FNDC3B: variants seen among roughly 807,000 people sequenced by gnomAD.
FNDC3B encodes the protein fibronectin type III domain containing 3B.
A neutral mutation model predicts 151.5 loss-of-function variants in FNDC3B; 12 were observed. The observed-to-expected ratio is 0.08, with a 90% CI of 0.05 to 0.13. The LOEUF is 0.13. Ranked by LOEUF, FNDC3B falls within the 10% of genes least tolerant of loss-of-function variation. FNDC3B has a pLI of 1.00. For synonymous variants in FNDC3B, 528 were observed against 549.0 expected (o/e 0.96, Z 0.54); for missense variants, 1,214 against 1,505.3 (o/e 0.81, Z 3.20).
chr3:172,091,044 A>G (rs1718801309), intron 1 of FNDC3B, among the ~76,000 whole-genome samples: 1 of 152,214 alleles, frequency 6.6e-6, no homozygotes, highest in Non-Finnish European at 1.5e-5. Context: ...GGTGAGGAAT[A>G]CTGAACCTAT....
chr3:172,294,638 C>T (rs772879442), intron 7 of FNDC3B, among the ~76,000 whole-genome samples: 1 of 152,164 alleles, frequency 6.6e-6, no homozygotes, highest in African/African-American at 2.4e-5. Flanking sequence ...GAAGCCCATG[C>T]GGGGGTCTAT....
At chr3:172,069,397 C>T (rs1293849078) in intron 1 of FNDC3B, among the ~76,000 whole-genome samples, 1 of 152,212 alleles carries the variant, frequency 6.6e-6, no homozygotes, top group East Asian at 1.9e-4. Context: ...GCTAGAGCCA[C>T]TAAATATCTC....
At chr3:172,332,974 C>T (rs1204161412) in intron 13 of FNDC3B, 115 bp from the exon 14 acceptor site, 1 of 769,344 alleles carries the variant, frequency 1.3e-6, no homozygotes, top group Non-Finnish European at 2.3e-6. Context: ...GCTGCCAGAC[C>T]TCTGGCCAGT....
chr3:172,344,365 C>A, intron 19 of FNDC3B, 107 bp downstream of exon 19: 1 of 869,034 alleles, frequency 1.2e-6, no homozygotes, highest in Non-Finnish European at 1.8e-6. Context: ...AGTCTTGATG[C>A]AACCTTGACA....
rs538831649 is a variant in FNDC3B, at chr3:172,383,028, G to A, written c.3303+1935G>A. Among the ~76,000 whole-genome samples, 6 of 152,262 alleles carry A rather than the reference G, an allele frequency of 3.9e-5. No homozygotes were observed. The East Asian group carries it at 9.7e-4, about 25-fold the overall frequency. On this transcript the variant is annotated intron_variant, in intron 25 of 25. Transcript: ENST00000415807. The stretch of plus-strand genomic sequence containing the variant: ...AAGAAAGTCAGTGGTAACTTGATGG[G>A]AATAGCATTGAATCTATAAATTACT...
At chr3:172,279,280 C>T (rs1369860781) in intron 6 of FNDC3B, among the ~76,000 whole-genome samples, 2 of 152,190 alleles carry the variant, frequency 1.3e-5, no homozygotes, top group African/African-American at 4.8e-5. Flanking sequence ...GCAACAAAAG[C>T]TCAGAGGAAA....
intron 6 of FNDC3B, among the ~76,000 whole-genome samples, chr3:172,253,828 G>A (rs1462486733): frequency 6.6e-6 from 1 of 151,770 alleles, no homozygotes; most frequent in East Asian, 1.9e-4. Flanking sequence ...CACGCAGGCT[G>A]GAGTGCAGTG....
At chr3:172,388,233 A>G (rs776665817) in intron 25 of FNDC3B, among the ~76,000 whole-genome samples, 8 of 152,134 alleles carry the variant, frequency 5.3e-5, no homozygotes, top group Non-Finnish European at 1.0e-4. Context: ...ACCCTTCCCA[A>G]AAAGCTCCCT....
chr3:172,087,999 C>A (rs986681683), intron 1 of FNDC3B, among the ~76,000 whole-genome samples: 11 of 152,120 alleles, frequency 7.2e-5, no homozygotes, highest in African/African-American at 2.4e-4. Context: ...TTTTATCATT[C>A]GTCACCTCAG....
chr3:172,199,764 G>T (rs1254544309), intron 3 of FNDC3B, among the ~76,000 whole-genome samples: 1 of 152,126 alleles, frequency 6.6e-6, no homozygotes, highest in South Asian at 2.1e-4. Flanking sequence ...ATTTAAGAAA[G>T]ATTGATAAAA....
chr3:172,363,695 C>A (rs143260551), intron 23 of FNDC3B, among the ~76,000 whole-genome samples: 1 of 152,188 alleles, frequency 6.6e-6, no homozygotes, highest in Non-Finnish European at 1.5e-5. Flanking sequence ...TGTTCCTTCA[C>A]GTATGGAACC....
chr3:172,245,264 G>C (rs905833097), intron 4 of FNDC3B, among the ~76,000 whole-genome samples: 1 of 151,954 alleles, frequency 6.6e-6, no homozygotes, highest in East Asian at 1.9e-4. Flanking sequence ...AGTCCAAAGC[G>C]TGCCTCTTAA....
chr3:172,245,121 G>A (rs1240232450), intron 4 of FNDC3B, among the ~76,000 whole-genome samples: 2 of 148,362 alleles, frequency 1.3e-5, no homozygotes, highest in African/African-American at 5.1e-5. Flanking sequence ...GTTTCAAAAA[G>A]CTACTTCAAA....
At chr3:172,299,998 T>C (rs1174847665) in intron 9 of FNDC3B, among the ~76,000 whole-genome samples, 2 of 152,264 alleles carry the variant, frequency 1.3e-5, no homozygotes, top group Non-Finnish European at 2.9e-5. Context: ...TAAGTTGTTT[T>C]GTTTTAAGGC....
chr3:172,339,654 A>T (rs149762342), intron 16 of FNDC3B, among the ~76,000 whole-genome samples: 1 of 152,240 alleles, frequency 6.6e-6, no homozygotes. Flanking sequence ...AGTCATGTAT[A>T]TGCCAGTGGC....
intron 1 of FNDC3B, among the ~76,000 whole-genome samples, chr3:172,098,797 G>C (rs774411912): frequency 1.3e-5 from 2 of 152,176 alleles, no homozygotes; most frequent in Admixed American, 6.5e-5. Context: ...TAGGCAGTTA[G>C]GGCCTGTGAA....
intron 6 of FNDC3B, among the ~76,000 whole-genome samples, chr3:172,257,930 T>C (rs1002484521): frequency 1.3e-5 from 2 of 152,186 alleles, no homozygotes; most frequent in Non-Finnish European, 2.9e-5. Context: ...TAACCAAGAT[T>C]TTAAATGGCA....
intron 1 of FNDC3B, among the ~76,000 whole-genome samples, chr3:172,088,900 G>A (rs948373726): frequency 1.3e-5 from 2 of 152,104 alleles, no homozygotes; most frequent in African/African-American, 4.8e-5. Flanking sequence ...TATAACAATA[G>A]TAATATTTTT....
At chr3:172,329,650 A>C (rs1398873037) in intron 12 of FNDC3B, 1 of 152,248 alleles carries the variant, frequency 6.6e-6, no homozygotes, top group Non-Finnish European at 1.5e-5. Flanking sequence ...CTTGGGGGGT[A>C]ACTCTTCATT....
Sources: allele counts gnomAD v4.1 joint callset (sites outside exome capture counted in the v4.1 genomes callset), GRCh38; gene constraint gnomAD v4.1.1; transcripts MANE v1.5; gene names NCBI Gene and HGNC (gene_info 2026-07-23, HGNC 2026-07-21).